The following PCDH9 variants were observed in gnomAD, a reference collection of about 807,000 sequenced individuals.
The protein encoded by PCDH9 is protocadherin-9.
A neutral mutation model predicts 70.6 loss-of-function variants in PCDH9; 24 were observed. The observed-to-expected ratio is 0.34, with a 90% CI of 0.25 to 0.48. PCDH9 has a LOEUF of 0.48. Ranked by LOEUF, PCDH9 falls within the 20% of genes least tolerant of loss-of-function variation. The pLI is 0.99. For synonymous variants in PCDH9, 562 were observed against 558.5 expected, an observed-to-expected ratio of 1.01 and a Z score of -0.09; for missense variants, 1,281 against 1,503.6, an observed-to-expected ratio of 0.85 and a Z score of 2.45.
chr13:66,803,685 T>C lies in PCDH9; in HGVS notation c.3138+99819A>G, dbSNP rs2080363336. Among the ~76,000 whole-genome samples, 6 of 152,190 alleles carry C rather than the reference T, an allele frequency of 3.9e-5. No homozygotes were observed. In the South Asian group the frequency reaches 1.2e-3, roughly 31 times the overall value. ...TGAATTTCATTACAATAATGATTCATTTCATATGCATATTGCAAAAAGGTT... is the reference window on the plus strand; with the variant it reads ...TGAATTTCATTACAATAATGATTCACTTCATATGCATATTGCAAAAAGGTT... On this transcript the variant is annotated intron_variant, in intron 3 of 4. Coordinates refer to ENST00000377865, the MANE Select transcript of PCDH9 (RefSeq NM_203487.3).
intron 4 of PCDH9, among the ~76,000 whole-genome samples, chr13:66,469,749 G>A (rs66936046): frequency 6.6e-6 from 1 of 151,958 alleles, no homozygotes; most frequent in South Asian, 2.1e-4. Flanking sequence ...ATAAAGCTAC[G>A]CATTTCTGCA....
chr13:66,942,282 G>C (rs1215986983), intron 2 of PCDH9, among the ~76,000 whole-genome samples: 1 of 151,436 alleles, frequency 6.6e-6, no homozygotes, highest in African/African-American at 2.4e-5. Context: ...AAAATCACTG[G>C]TAATAACCAG....
At chr13:66,811,490 T>C (rs770407029) in intron 3 of PCDH9, among the ~76,000 whole-genome samples, 4 of 152,174 alleles carry the variant, frequency 2.6e-5, no homozygotes, top group Non-Finnish European at 4.4e-5. Context: ...ATGCTTAAAA[T>C]GTTACACCAA....
chr13:66,452,758 C>T (rs1453764595), intron 4 of PCDH9, among the ~76,000 whole-genome samples: 1 of 152,044 alleles, frequency 6.6e-6, no homozygotes, highest in Non-Finnish European at 1.5e-5. Context: ...ATATTAGTGG[C>T]CCCTGAGAAG....
At chr13:66,575,625 C>T (rs1295078605) in intron 4 of PCDH9, among the ~76,000 whole-genome samples, 3 of 152,080 alleles carry the variant, frequency 2.0e-5, no homozygotes, top group Non-Finnish European at 1.5e-5. Flanking sequence ...CTCAGAATTC[C>T]TTCTTCTCAC....
At chr13:66,828,242 G>A (rs2080859120) in intron 3 of PCDH9, among the ~76,000 whole-genome samples, 1 of 152,092 alleles carries the variant, frequency 6.6e-6, no homozygotes, top group African/African-American at 2.4e-5. Flanking sequence ...GTAAATCAAG[G>A]CACTGTTTGG....
intron 4 of PCDH9, among the ~76,000 whole-genome samples, chr13:66,364,289 T>C (rs1383152283): frequency 6.6e-6 from 1 of 152,230 alleles, no homozygotes; most frequent in African/African-American, 2.4e-5. Flanking sequence ...GTGATTTGAT[T>C]GTTATCTACA....
chr13:66,617,542 T>C (rs1007940828), intron 4 of PCDH9, among the ~76,000 whole-genome samples: 1 of 152,154 alleles, frequency 6.6e-6, no homozygotes, highest in African/African-American at 2.4e-5. Flanking sequence ...TTCCCAAACC[T>C]TAAACTGGTT....
At chr13:66,524,963 G>A (rs1407448127) in intron 4 of PCDH9, among the ~76,000 whole-genome samples, 1 of 151,984 alleles carries the variant, frequency 6.6e-6, no homozygotes, top group African/African-American at 2.4e-5. Context: ...AAAATCTTGA[G>A]TGATGTGTGT....
intron 3 of PCDH9, among the ~76,000 whole-genome samples, chr13:66,830,969 C>T (rs1250748715): frequency 1.3e-5 from 2 of 152,150 alleles, no homozygotes; most frequent in Non-Finnish European, 2.9e-5. Flanking sequence ...ATAGAAAACA[C>T]ATAAAATGTG....
At chr13:66,886,345 G>T (rs1045017680) in intron 3 of PCDH9, among the ~76,000 whole-genome samples, 2 of 152,050 alleles carry the variant, frequency 1.3e-5, no homozygotes. Flanking sequence ...AACCTCCCGC[G>T]CAAAACAAGC....
Position 67,213,206 on chromosome 13 carries a change from C to CAAAAAAA in PCDH9, c.3036+12192_3036+12198dup, listed in dbSNP as rs34813503. The stretch of plus-strand genomic sequence containing the variant: ...AGCCTGGACGACAGAGACTCCGTCA[C>CAAAAAAA]AAAAAAAAAAAAAAAAAAAAAAAAA... On this transcript the variant is annotated intron_variant, in intron 2 of 4. Transcript: ENST00000377865. 36 of 20,550 alleles carry CAAAAAAA rather than the reference C, an allele frequency of 1.8e-3. 5 individuals carry two copies. Among genetic ancestry groups the CAAAAAAA allele is most frequent in the African/African-American group, 2.7e-3 (16 of 5,890 alleles). The allele number at this position is 20,550 out of a possible 1,614,324, so 1.3% of individuals were successfully genotyped here.
chr13:66,618,093 G>T (rs2077380787), intron 4 of PCDH9, among the ~76,000 whole-genome samples: 1 of 152,136 alleles, frequency 6.6e-6, no homozygotes, highest in Admixed American at 6.6e-5. Flanking sequence ...GGCTGAGTGG[G>T]AAACACTCTA....
At chr13:66,504,072 C>G (rs987300737) in intron 4 of PCDH9, among the ~76,000 whole-genome samples, 2 of 152,166 alleles carry the variant, frequency 1.3e-5, no homozygotes, top group African/African-American at 4.8e-5. Context: ...TCCGTAAACA[C>G]AACCACCCTT....
At chr13:67,150,156 C>T (rs1415211820) in intron 2 of PCDH9, among the ~76,000 whole-genome samples, 1 of 152,168 alleles carries the variant, frequency 6.6e-6, no homozygotes, top group Non-Finnish European at 1.5e-5. Flanking sequence ...GCCTCAACTT[C>T]CCAAGTAGCT....
chr13:66,644,234 A>G (rs766632601), intron 3 of PCDH9, among the ~76,000 whole-genome samples: 2 of 151,578 alleles, frequency 1.3e-5, no homozygotes, highest in African/African-American at 2.4e-5. Context: ...CTAGGGTATA[A>G]AAAAACATGA....
At chr13:66,397,121 T>A (rs574084693) in intron 4 of PCDH9, among the ~76,000 whole-genome samples, 1 of 152,196 alleles carries the variant, frequency 6.6e-6, no homozygotes, top group African/African-American at 2.4e-5. Flanking sequence ...CAACAAACCA[T>A]AAAAATATTA....
intron 2 of PCDH9, among the ~76,000 whole-genome samples, chr13:66,995,036 C>T (rs1321891765): frequency 1.3e-5 from 2 of 152,186 alleles, no homozygotes; most frequent in Admixed American, 1.3e-4. Flanking sequence ...GTCACCCACG[C>T]ACTTGATTGA....
At chr13:66,852,857 T>C (rs2081336634) in intron 3 of PCDH9, among the ~76,000 whole-genome samples, 1 of 152,154 alleles carries the variant, frequency 6.6e-6, no homozygotes. Flanking sequence ...CAAATCTACT[T>C]GATTAGACTA....
Sources: gnomAD v4.1 joint callset for allele counts (sites outside exome capture counted in the v4.1 genomes callset) on GRCh38, gnomAD v4.1.1 for gene constraint, MANE v1.5 for transcripts, NCBI Gene and HGNC (gene_info 2026-07-23, HGNC 2026-07-21) for gene names.